Variants in EYS observed in about 807,000 individuals in gnomAD.
EYS encodes the protein EGF-like photoreceptor maintenance factor, also known as protein eyes shut homolog.
A neutral mutation model predicts 282.1 loss-of-function variants in EYS; 250 were observed. That is an observed-to-expected ratio of 0.89 (90% CI 0.80 to 0.98). The LOEUF (loss-of-function observed/expected upper bound fraction) is 0.98, where lower values mean the gene tolerates loss of function less well. EYS is among the 50% of genes least tolerant of loss of function. EYS has a pLI of 0.00. For synonymous variants in EYS, 1,355 were observed against 1,282.9 expected (o/e 1.06, Z -1.20); for missense variants, 4,016 against 3,709.0 (o/e 1.08, Z -2.15).
At chr6:64,789,721 T>G (rs1033639773) in intron 22 of EYS, among the ~76,000 whole-genome samples, 1 of 151,856 alleles carries the variant, frequency 6.6e-6, no homozygotes, top group Non-Finnish European at 1.5e-5. Context: ...TAAGCCTTTC[T>G]TTTTTTTAAA....
At chr6:65,072,172 T>C (rs528193377) in intron 12 of EYS, among the ~76,000 whole-genome samples, 3 of 151,954 alleles carry the variant, frequency 2.0e-5, no homozygotes, top group Admixed American at 6.6e-5. Flanking sequence ...ACTCACAATA[T>C]TGAGCTGCCT....
chr6:65,215,892 G>A (rs1158340769), intron 12 of EYS, among the ~76,000 whole-genome samples: 1 of 152,142 alleles, frequency 6.6e-6, no homozygotes, highest in African/African-American at 2.4e-5. Context: ...GAATTTTTCA[G>A]TTAAGCTATA....
chr6:64,098,345 T>A (rs1772705890), intron 31 of EYS, among the ~76,000 whole-genome samples: 1 of 152,116 alleles, frequency 6.6e-6, no homozygotes. Context: ...TCTACAAATA[T>A]AAGTGGATCA....
intron 31 of EYS, among the ~76,000 whole-genome samples, chr6:64,119,782 G>A (rs750088698): frequency 1.8e-4 from 27 of 152,196 alleles, no homozygotes; most frequent in South Asian, 6.2e-4. Flanking sequence ...AGGCACAGAC[G>A]CAAATCACAG....
At chr6:65,072,819 A>T (rs912993337) in intron 12 of EYS, among the ~76,000 whole-genome samples, 2 of 151,622 alleles carry the variant, frequency 1.3e-5, no homozygotes, top group African/African-American at 4.8e-5. Flanking sequence ...TTTGAAAAAA[A>T]TCAAGTAAAA....
At chr6:64,526,569 T>C (rs766859015) in intron 26 of EYS, among the ~76,000 whole-genome samples, 14 of 151,900 alleles carry the variant, frequency 9.2e-5, no homozygotes, top group Non-Finnish European at 1.8e-4. Context: ...TACATTATTA[T>C]GTATGTATAC....
intron 33 of EYS, among the ~76,000 whole-genome samples, chr6:64,042,600 T>A (rs1359907556): frequency 6.6e-6 from 1 of 152,202 alleles, no homozygotes; most frequent in African/African-American, 2.4e-5. Context: ...GTGCACACAC[T>A]TCCCTCTTTA....
intron 5 of EYS, among the ~76,000 whole-genome samples, chr6:65,459,615 C>A (rs886327337): frequency 6.6e-6 from 1 of 150,488 alleles, no homozygotes; most frequent in Non-Finnish European, 1.5e-5. Flanking sequence ...GATGCTAAGG[C>A]AAGAAGTGCC....
At chr6:65,052,672 A>G (rs1056971419) in intron 13 of EYS, among the ~76,000 whole-genome samples, 5 of 151,678 alleles carry the variant, frequency 3.3e-5, no homozygotes, top group Non-Finnish European at 5.9e-5. Context: ...AGGGAAAGTG[A>G]AAACTCATTT....
chr6:63,939,130 A>AT (rs59373055), intron 35 of EYS, among the ~76,000 whole-genome samples: 349 of 143,526 alleles, frequency 2.4e-3, no homozygotes, highest in South Asian at 6.0e-3. Flanking sequence ...TTGTGAGGGG[A>AT]TTTTTTTTTT....
chr6:65,380,636 T>C (rs1174502474), intron 8 of EYS, among the ~76,000 whole-genome samples: 1 of 151,948 alleles, frequency 6.6e-6, no homozygotes, highest in African/African-American at 2.4e-5. Context: ...CTAATCAAAA[T>C]GAAGAGCTTC....
chr6:63,874,707 C>T (rs111574785), intron 35 of EYS, among the ~76,000 whole-genome samples: 17,858 of 151,990 alleles, frequency 0.12, 1,280 homozygotes, highest in African/African-American at 0.19. Flanking sequence ...AGTTGGATTC[C>T]GAGATATTTT....
intron 19 of EYS, among the ~76,000 whole-genome samples, chr6:64,861,542 G>A (rs1221849733): frequency 6.6e-6 from 1 of 152,172 alleles, no homozygotes; most frequent in Non-Finnish European, 1.5e-5. Context: ...AGGGATGCCT[G>A]GGTTAACAGC....
At chr6:64,760,509 G>A (rs1037606290) in intron 22 of EYS, among the ~76,000 whole-genome samples, 5 of 152,198 alleles carry the variant, frequency 3.3e-5, no homozygotes, top group African/African-American at 7.2e-5. Flanking sequence ...GAGTGAGTCC[G>A]AAGAAGTCTG....
At chr6:65,039,955 T>C (rs1772883038) in intron 13 of EYS, among the ~76,000 whole-genome samples, 1 of 151,706 alleles carries the variant, frequency 6.6e-6, no homozygotes, top group African/African-American at 2.4e-5. Flanking sequence ...GTTTGCACGA[T>C]AGAATCTTGC....
At chr6:64,936,548 A>T (rs541777603) in intron 15 of EYS, among the ~76,000 whole-genome samples, 1 of 151,612 alleles carries the variant, frequency 6.6e-6, no homozygotes, top group Admixed American at 6.6e-5. Context: ...TCGACCAAAA[A>T]TTATTATAAC....
chr6:63,942,106 T>A (rs182964564), intron 35 of EYS, among the ~76,000 whole-genome samples: 143 of 152,310 alleles, frequency 9.4e-4, no homozygotes, highest in African/African-American at 3.1e-3. Context: ...ATCAGGGGGT[T>A]ATAAGGATCT....
chr6:63,760,658 A>G (rs537766324), intron 41 of EYS, among the ~76,000 whole-genome samples: 1 of 93,784 alleles, frequency 1.1e-5, no homozygotes, highest in Non-Finnish European at 2.4e-5. Context: ...ATATCTATCT[A>G]TCTATCTATC....
At chr6:63,998,112 A>T (rs1269529061) in intron 34 of EYS, among the ~76,000 whole-genome samples, 3 of 152,298 alleles carry the variant, frequency 2.0e-5, no homozygotes, top group African/African-American at 7.2e-5. Flanking sequence ...ACAGTGCATT[A>T]TAAAGGGACA....
Sources: gnomAD v4.1 joint callset for allele counts (sites outside exome capture counted in the v4.1 genomes callset) on GRCh38, gnomAD v4.1.1 for gene constraint, MANE v1.5 for transcripts, NCBI Gene and HGNC (gene_info 2026-07-23, HGNC 2026-07-21) for gene names.